Variants in GRB10 observed in about 807,000 individuals in gnomAD.
GRB10 encodes the protein growth factor receptor bound protein 10.
A neutral mutation model predicts 80.9 loss-of-function variants in GRB10; 20 were observed. The ratio of observed to expected loss-of-function variants is 0.25; its 90% CI spans 0.17 to 0.36. GRB10 has a LOEUF of 0.36. Among genes scored for constraint, GRB10 ranks in the 10% least tolerant of loss-of-function variants. The pLI is 1.00. For synonymous variants in GRB10, 291 were observed against 291.5 expected (o/e 1.00, Z 0.02); for missense variants, 548 against 747.7 (o/e 0.73, Z 3.12).
Position 50,717,734 on chromosome 7 carries a change from T to G in GRB10, c.52-13826A>C, listed in dbSNP as rs1020106248. Among the ~76,000 whole-genome samples the G allele has an allele frequency of 8.5e-5, 13 of 152,256 alleles. No individual in the cohort carries two copies. The South Asian group carries it at 2.7e-3, about 32-fold the overall frequency. ...TCCTGTGTCCATATTATCAACCAGG[T>G]GTTTAGATGGAAATTGCTTTTTAGC... On this transcript the variant is annotated intron_variant, in intron 4 of 18. Coordinates refer to ENST00000401949, the MANE Select transcript of GRB10 (RefSeq NM_001350814.2).
At chr7:50,789,761 A>C (rs1201523452) in intron 1 of GRB10, among the ~76,000 whole-genome samples, 1 of 148,970 alleles carries the variant, frequency 6.7e-6, no homozygotes, top group Non-Finnish European at 1.5e-5. Flanking sequence ...AGGGGAAAAG[A>C]AAAAATCTCC....
chr7:50,625,997 C>T (rs898512530), intron 8 of GRB10, among the ~76,000 whole-genome samples: 2 of 152,142 alleles, frequency 1.3e-5, no homozygotes, highest in Non-Finnish European at 2.9e-5. Context: ...TTTTTCTCTC[C>T]TTCAAGACAT....
Position 50,595,340 on chromosome 7 carries a change from T to A in GRB10, c.1638+97A>T, listed in dbSNP as rs116972923. ...TAACTGCAGCCTTGAAACTGTCTGA[T>A]ACTTACCGGTCTTGTCGGTTTATAA... On this transcript the variant is annotated intron_variant, in intron 18 of 18. Transcript: ENST00000401949. 2.3e-3 allele frequency: 1,791 copies of A among 779,022 alleles called. 6 individuals carry two copies. Among genetic ancestry groups the A allele is most frequent in the Middle Eastern group, 0.016 (72 of 4,370 alleles). 48.3% of individuals were successfully genotyped at this position (779,022 alleles called of 1,614,324 possible). A position where few individuals can be genotyped will look rare whatever the true frequency, so the allele number is the denominator to read the frequency against.
chr7:50,756,495 A>G (rs1442076150), intron 2 of GRB10, among the ~76,000 whole-genome samples: 1 of 152,188 alleles, frequency 6.6e-6, no homozygotes, highest in Non-Finnish European at 1.5e-5. Flanking sequence ...CCAGCCCACA[A>G]TGCCTGGTAC....
At chr7:50,623,124 C>A (rs1389154843) in intron 8 of GRB10, among the ~76,000 whole-genome samples, 2 of 152,170 alleles carry the variant, frequency 1.3e-5, no homozygotes, top group African/African-American at 4.8e-5. Context: ...TCCAAAAAAC[C>A]TGCCCCATTC....
intron 7 of GRB10, among the ~76,000 whole-genome samples, chr7:50,654,697 C>A (rs185957593): frequency 1.3e-5 from 2 of 152,282 alleles, no homozygotes; most frequent in Admixed American, 1.3e-4. Context: ...ATATTCTTCA[C>A]CTTAGTACTC....
At chr7:50,603,610 A>G (rs750608597) in intron 17 of GRB10, among the ~76,000 whole-genome samples, 2 of 152,220 alleles carry the variant, frequency 1.3e-5, no homozygotes, top group African/African-American at 4.8e-5. Context: ...GTTTTAAGCC[A>G]CTAAGGTTTG....
chr7:50,769,775 C>T (rs757714052), intron 2 of GRB10, among the ~76,000 whole-genome samples: 1 of 151,946 alleles, frequency 6.6e-6, no homozygotes, highest in Non-Finnish European at 1.5e-5. Flanking sequence ...CAACACCCTT[C>T]TCTCCTCAGC....
At chr7:50,749,117 G>GTTTCGTTT (rs2073620054) in intron 3 of GRB10, among the ~76,000 whole-genome samples, 1 of 62,182 alleles carries the variant, frequency 1.6e-5, no homozygotes, top group Non-Finnish European at 5.0e-5. Context: ...TTTTTGTTTT[G>GTTTCGTTT]TTTTGTTTTT....
intron 2 of GRB10, among the ~76,000 whole-genome samples, chr7:50,775,552 G>A (rs2077538124): frequency 6.6e-6 from 1 of 152,254 alleles, no homozygotes; most frequent in Non-Finnish European, 1.5e-5. Flanking sequence ...CCTTGTGGGA[G>A]CTCGCTAGTG....
rs543086286 is a variant in GRB10, at chr7:50,594,308, G to A, written c.1638+1129C>T. ...GCAGGAAGCAAGCAGCCACAGAAAA[G>A]ACAGTGCGTGGCACACTGCCTTCCC... On this transcript the variant is annotated intron_variant, in intron 18 of 18. Coordinates refer to ENST00000401949, the MANE Select transcript of GRB10 (RefSeq NM_001350814.2). Among the ~76,000 whole-genome samples, 48 of 152,278 alleles carry A rather than the reference G, an allele frequency of 3.2e-4. No individual in the cohort carries two copies. In the South Asian group the frequency reaches 8.1e-3, roughly 26 times the overall value.
intron 5 of GRB10, among the ~76,000 whole-genome samples, chr7:50,696,381 C>T (rs971915633): frequency 6.6e-6 from 1 of 152,218 alleles, no homozygotes; most frequent in Non-Finnish European, 1.5e-5. Context: ...GTTCTCACAA[C>T]AACTTCACAA....
chr7:50,648,905 T>C (rs1488406187), intron 7 of GRB10, among the ~76,000 whole-genome samples: 2 of 152,180 alleles, frequency 1.3e-5, no homozygotes, highest in East Asian at 1.9e-4. Flanking sequence ...CTACTCAATG[T>C]GGTCGGGCTA....
rs78703598 is a variant in GRB10 at position 50,705,182 on chromosome 7, C to T, written c.52-1274G>A. On this transcript the variant is annotated intron_variant, in intron 4 of 18. Transcript: ENST00000401949. ...TAGGTCTGGTCAACGCTGTGCTTCA[C>T]GGACCACTCACAATGGGGGGAAGCA... 2.4e-3 allele frequency: 2,383 copies of T among 985,698 alleles called. 37 individuals carry two copies. In the African/African-American group the frequency reaches 0.035, roughly 15 times the overall value. 61.1% of individuals were successfully genotyped at this position (985,698 alleles called of 1,614,324 possible).
chr7:50,610,018 C>T (rs1373442616), intron 13 of GRB10, among the ~76,000 whole-genome samples: 2 of 152,148 alleles, frequency 1.3e-5, no homozygotes, highest in Non-Finnish European at 2.9e-5. Flanking sequence ...CTCTGCCTTT[C>T]CATGGTTGAT....
chr7:50,641,014 GGGCTAGTCACGCA>G (rs753127335), intron 7 of GRB10, among the ~76,000 whole-genome samples: 31 of 152,228 alleles, frequency 2.0e-4, no homozygotes, highest in Non-Finnish European at 3.4e-4. Flanking sequence ...CTCCTCTCCA[GGGCTAGTCACGCA>G]GGCTCATGGG....
At chr7:50,720,272 T>C (rs2067500313) in intron 4 of GRB10, among the ~76,000 whole-genome samples, 1 of 152,236 alleles carries the variant, frequency 6.6e-6, no homozygotes, top group South Asian at 2.1e-4. Flanking sequence ...GAATACTTTG[T>C]TTCTAGTTAA....
chr7:50,784,411 C>G (rs1358741767), upstream of GRB10, among the ~76,000 whole-genome samples: 1 of 152,160 alleles, frequency 6.6e-6, no homozygotes, highest in Non-Finnish European at 1.5e-5. Flanking sequence ...AAAGGTGGCT[C>G]GAGTGTTCCT....
intron 1 of GRB10, among the ~76,000 whole-genome samples, chr7:50,791,673 T>C (rs936691082): frequency 6.6e-6 from 1 of 152,250 alleles, no homozygotes; most frequent in East Asian, 1.9e-4. Flanking sequence ...ACAGGAGCAA[T>C]GCCTGCTGGG....
Sources: gnomAD v4.1 joint callset for allele counts (sites outside exome capture counted in the v4.1 genomes callset) on GRCh38, gnomAD v4.1.1 for gene constraint, MANE v1.5 for transcripts, NCBI Gene and HGNC (gene_info 2026-07-23, HGNC 2026-07-21) for gene names.